Variants in GRIK1 observed in about 807,000 individuals in gnomAD.
The protein encoded by GRIK1 is glutamate ionotropic receptor kainate type subunit 1.
Under a neutral mutation model 105.7 loss-of-function variants are expected in GRIK1, and 69 were observed. The ratio of observed to expected loss-of-function variants is 0.65; its 90% CI spans 0.54 to 0.80. The LOEUF (loss-of-function observed/expected upper bound fraction) is 0.80, where lower values mean the gene tolerates loss of function less well. GRIK1 is among the 30% of genes least tolerant of loss of function. GRIK1 has a pLI of 0.00. For missense variants in GRIK1, 1,109 were observed against 1,167.3 expected (o/e 0.95, Z 0.73); for synonymous variants, 438 against 431.3 (o/e 1.02, Z -0.19).
rs1555874556 is a variant in GRIK1 at position 29,697,928 on chromosome 21, C to CTT, written c.119-3866_119-3865insAA. 5.5e-3 allele frequency among the ~76,000 whole-genome samples: 807 copies of CTT among 145,952 alleles called. 8 individuals are homozygous for CTT. Among genetic ancestry groups the CTT allele is most frequent in the African/African-American group, 0.018 (674 of 38,060 alleles). The stretch of plus-strand genomic sequence containing the variant: ...TTTCTTTCTTTCTTTCTCTCTCTCT[C>CTT]TCTTTCTTTCTTTCTTTCTTTTTTC... On this transcript the variant is annotated intron_variant, in intron 1 of 17. Transcript: ENST00000327783.
chr21:29,832,316 C>T (rs1158859335), intron 1 of GRIK1, among the ~76,000 whole-genome samples: 3 of 152,164 alleles, frequency 2.0e-5, no homozygotes, highest in Admixed American at 1.3e-4. Flanking sequence ...GACAGTGGCC[C>T]TCTTCTCATA....
At chr21:29,731,160 G>A (rs1441244125) in intron 1 of GRIK1, among the ~76,000 whole-genome samples, 1 of 152,216 alleles carries the variant, frequency 6.6e-6, no homozygotes, top group Non-Finnish European at 1.5e-5. Context: ...TTGATGAGAG[G>A]AATGAGCAGG....
intron 1 of GRIK1, among the ~76,000 whole-genome samples, chr21:29,818,705 T>C (rs1434884766): frequency 6.6e-6 from 1 of 152,086 alleles, no homozygotes; most frequent in Non-Finnish European, 1.5e-5. Context: ...GTAATACCAC[T>C]GGCACACACA....
intron 14 of GRIK1, among the ~76,000 whole-genome samples, chr21:29,563,890 C>G (rs2146187628): frequency 6.6e-6 from 1 of 152,254 alleles, no homozygotes; most frequent in South Asian, 2.1e-4. Context: ...ATTCTGGACT[C>G]CAGCACACCT....
At chr21:29,741,626 G>A (rs2064931592) in intron 1 of GRIK1, among the ~76,000 whole-genome samples, 1 of 152,130 alleles carries the variant, frequency 6.6e-6, no homozygotes, top group Non-Finnish European at 1.5e-5. Flanking sequence ...CCTACTAGAA[G>A]ACACATATTT....
At chr21:29,580,329 G>A (rs182939529) in intron 13 of GRIK1, among the ~76,000 whole-genome samples, 33 of 151,892 alleles carry the variant, frequency 2.2e-4, no homozygotes, top group African/African-American at 6.8e-4. Context: ...ATACCTCTGT[G>A]CTATGCTCTA....
intron 1 of GRIK1, among the ~76,000 whole-genome samples, chr21:29,923,124 A>T (rs1378010368): frequency 1.3e-5 from 2 of 152,182 alleles, no homozygotes; most frequent in Non-Finnish European, 1.5e-5. Flanking sequence ...AGTATGAATT[A>T]TGCTGTAGAT....
chr21:29,660,392 G>A (rs1048766797), intron 4 of GRIK1, among the ~76,000 whole-genome samples: 2 of 152,172 alleles, frequency 1.3e-5, no homozygotes, highest in Non-Finnish European at 2.9e-5. Context: ...ACAAAATACA[G>A]GGAAAGTCTT....
chr21:29,800,679 A>T (rs995334862), intron 1 of GRIK1, among the ~76,000 whole-genome samples: 1 of 152,246 alleles, frequency 6.6e-6, no homozygotes, highest in East Asian at 1.9e-4. Context: ...GCTTTTGATG[A>T]ATACCTTCTG....
chr21:29,818,975 C>A (rs995851211), intron 1 of GRIK1, among the ~76,000 whole-genome samples: 8 of 151,948 alleles, frequency 5.3e-5, no homozygotes, highest in African/African-American at 1.7e-4. Flanking sequence ...GGTTATTATC[C>A]CTCTCCTTAA....
At chr21:29,682,624 C>G (rs2063402059) in intron 3 of GRIK1, among the ~76,000 whole-genome samples, 1 of 152,162 alleles carries the variant, frequency 6.6e-6, no homozygotes, top group Non-Finnish European at 1.5e-5. Context: ...TATATACAAA[C>G]ATTAACTCAA....
At chr21:29,895,771 T>G (rs987801349) in intron 1 of GRIK1, among the ~76,000 whole-genome samples, 10 of 152,228 alleles carry the variant, frequency 6.6e-5, no homozygotes, top group African/African-American at 1.9e-4. Flanking sequence ...ATTTTGAAAT[T>G]TCAGCTTTGC....
intron 1 of GRIK1, among the ~76,000 whole-genome samples, chr21:29,738,489 A>G (rs534730446): frequency 6.6e-6 from 1 of 152,376 alleles, no homozygotes; most frequent in African/African-American, 2.4e-5. Context: ...ATTGTTAAAT[A>G]TCCCACAGAA....
At chr21:29,638,132 C>G (rs1371694027) in intron 7 of GRIK1, among the ~76,000 whole-genome samples, 9 of 151,800 alleles carry the variant, frequency 5.9e-5, no homozygotes, top group Admixed American at 4.6e-4. Flanking sequence ...TTTTTCCTGA[C>G]CACTACCTTA....
Position 29,577,179 on chromosome 21 carries a change from A to G in GRIK1, c.1915T>C (p.Ser639Pro). The G allele has an allele frequency of 6.4e-7, 1 of 1,559,906 alleles. No homozygotes were observed. The highest frequency in any genetic ancestry group is 1.1e-5 in the South Asian group (1 of 89,886). Reference protein sequence around the residue: ...FGVGALMQQGSELMPKALSTR... With the variant: ...FGVGALMQQGPELMPKALSTR... ...GATAGAGCTTTGGGCATCAGCTCTG[A>G]TCCTGTGATGGTATCATCAGAGTAA... is the stretch of plus-strand genomic sequence containing the variant. Residue 639 changes from serine to proline, a missense_variant and splice_region_variant, in exon 14 of 18, where the codon TCA (serine) becomes CCA (proline). Coordinates refer to ENST00000327783, the MANE Select transcript of GRIK1 (RefSeq NM_001330994.2).
At chr21:29,930,845 G>A (rs2071541005) in intron 1 of GRIK1, among the ~76,000 whole-genome samples, 1 of 152,144 alleles carries the variant, frequency 6.6e-6, no homozygotes. Flanking sequence ...GACACTCTTA[G>A]AAAACCCTCC....
chr21:29,576,027 C>T (rs1601161565), intron 14 of GRIK1, among the ~76,000 whole-genome samples: 1 of 151,558 alleles, frequency 6.6e-6, no homozygotes, highest in East Asian at 1.9e-4. Flanking sequence ...ACATTTACCA[C>T]CATTAATACT....
At chr21:29,856,865 G>A (rs534501917) in intron 1 of GRIK1, among the ~76,000 whole-genome samples, 2 of 152,176 alleles carry the variant, frequency 1.3e-5, no homozygotes, top group South Asian at 2.1e-4. Flanking sequence ...CAGTATTTTA[G>A]GCACCACAAA....
At chr21:29,662,905 A>G (rs2062991965) in intron 4 of GRIK1, among the ~76,000 whole-genome samples, 1 of 152,172 alleles carries the variant, frequency 6.6e-6, no homozygotes, top group African/African-American at 2.4e-5. Context: ...AGGCATTGAT[A>G]GTTACTAAAA....
Sources: gnomAD v4.1 joint callset for allele counts (sites outside exome capture counted in the v4.1 genomes callset) on GRCh38, gnomAD v4.1.1 for gene constraint, MANE v1.5 for transcripts, NCBI Gene and HGNC (gene_info 2026-07-23, HGNC 2026-07-21) for gene names.